The following PDGFRA variants were observed in gnomAD, a reference collection of about 807,000 sequenced individuals.
The protein encoded by PDGFRA is platelet-derived growth factor receptor alpha.
Under a neutral mutation model 121.5 loss-of-function variants are expected in PDGFRA, and 25 were observed. The observed-to-expected ratio is 0.21, with a 90% CI of 0.15 to 0.29. The LOEUF is 0.29. Ranked by LOEUF, PDGFRA falls within the 10% of genes least tolerant of loss-of-function variation. The pLI is 1.00. For synonymous variants in PDGFRA, 463 were observed against 494.8 expected (o/e 0.94, Z 0.85); for missense variants, 1,008 against 1,345.1 (o/e 0.75, Z 3.92).
At chr4:54,282,694 C>T (rs1307609380) in intron 16 of PDGFRA, among the ~76,000 whole-genome samples, 1 of 152,226 alleles carries the variant, frequency 6.6e-6, no homozygotes, top group Admixed American at 6.5e-5. Context: ...CCACAATAGT[C>T]CCCTCAAGCC....
At chr4:54,276,687 T>TCATAAAA (rs1723745601) in intron 12 of PDGFRA, 1 of 152,752 alleles carries the variant, frequency 6.5e-6, no homozygotes, top group Admixed American at 6.5e-5. Flanking sequence ...GAGGCAGTGT[T>TCATAAAA]GGCTGTTAGT....
At chr4:54,230,804 TCTC>T (rs949116247) in intron 1 of PDGFRA, among the ~76,000 whole-genome samples, 6 of 152,230 alleles carry the variant, frequency 3.9e-5, no homozygotes, top group African/African-American at 7.2e-5. Context: ...TGTGCGTACT[TCTC>T]CTTCCTCTGC....
chr4:54,271,782 TCCTCCCTCCCTCACTCTCTC>T (rs1197266567), intron 8 of PDGFRA, among the ~76,000 whole-genome samples: 9 of 142,366 alleles, frequency 6.3e-5, no homozygotes, highest in Non-Finnish European at 1.2e-4. Context: ...CTTCCTTCCT[TCCTCCCTCCCTCACTCTCTC>T]TTTTCTTTGC....
chr4:54,294,737 G>A (rs1041912680), intron 22 of PDGFRA, among the ~76,000 whole-genome samples: 4 of 152,284 alleles, frequency 2.6e-5, no homozygotes, highest in Non-Finnish European at 4.4e-5. Context: ...GGAGGCTTCC[G>A]GGAGAGCACC....
chr4:54,280,029 T>C (rs1276897023), intron 15 of PDGFRA, among the ~76,000 whole-genome samples: 2 of 152,226 alleles, frequency 1.3e-5, no homozygotes, highest in Non-Finnish European at 2.9e-5. Flanking sequence ...ATGTGAATTG[T>C]GCTGCTATAA....
intron 18 of PDGFRA, 31 bp from the exon 19 acceptor site, chr4:54,287,399 T>C (rs1466936818): frequency 8.2e-6 from 7 of 855,412 alleles, no homozygotes; most frequent in Non-Finnish European, 1.4e-5. Flanking sequence ...TGAGTAGACA[T>C]GGGTTTAACT....
intron 1 of PDGFRA, among the ~76,000 whole-genome samples, chr4:54,241,638 A>G (rs1399618141): frequency 6.6e-6 from 1 of 152,050 alleles, no homozygotes; most frequent in African/African-American, 2.4e-5. Flanking sequence ...CAGCCTCCGC[A>G]TCCTGGGTTC....
intron 1 of PDGFRA, among the ~76,000 whole-genome samples, chr4:54,234,989 C>T (rs187984604): frequency 1.4e-3 from 207 of 152,194 alleles, no homozygotes; most frequent in Non-Finnish European, 2.2e-3. Context: ...GATGGAGCTC[C>T]GGGAGATCAA....
At chr4:54,267,504 G>A in intron 6 of PDGFRA, 44 bp downstream of exon 6, 2 of 1,613,564 alleles carry the variant, frequency 1.2e-6, no homozygotes, top group Non-Finnish European at 1.7e-6. Context: ...TGCTGCTCGG[G>A]ATCCATATGT....
chr4:54,233,413 T>C (rs1392081576), intron 1 of PDGFRA, among the ~76,000 whole-genome samples: 5 of 152,156 alleles, frequency 3.3e-5, no homozygotes, highest in Non-Finnish European at 7.4e-5. Flanking sequence ...ACCAGGAGCC[T>C]GGGCTGCGGG....
intron 7 of PDGFRA, among the ~76,000 whole-genome samples, chr4:54,269,700 C>T (rs895308794): frequency 6.2e-5 from 9 of 144,392 alleles, no homozygotes; most frequent in Non-Finnish European, 1.0e-4. Flanking sequence ...TGGAGTGCAG[C>T]GGTACGATCA....
At chr4:54,270,508 A>C (rs1162194126) in intron 7 of PDGFRA, 125 bp from the exon 8 acceptor site, 5 of 668,972 alleles carry the variant, frequency 7.5e-6, no homozygotes, top group Non-Finnish European at 1.4e-5. Flanking sequence ...GATGATATGG[A>C]CAAGAAAAAA....
chr4:54,261,366 A>G lies in PDGFRA; in HGVS notation c.321A>G (p.Thr107=), dbSNP rs754548894. Reference sequence around the variant, plus strand: ...CTTGCTATTACAACCACACTCAGACAGAAGAGAATGAGCTTGAAGGCAGGC... The same window carrying G: ...CTTGCTATTACAACCACACTCAGACGGAAGAGAATGAGCTTGAAGGCAGGC... ...LYTCYYNHTQ[T]EENELEGRHI... is the part of the protein sequence containing the mutation. The change falls in exon 3 of 23, where the codon ACA becomes ACG. Residue 107 remains threonine (T), a synonymous_variant. Coordinates refer to ENST00000257290, the MANE Select transcript of PDGFRA (RefSeq NM_006206.6). 6.2e-7 allele frequency: 1 copy of G among 1,614,056 alleles called. No homozygotes were observed. Among genetic ancestry groups the G allele is most frequent in the African/African-American group, 1.3e-5 (1 of 74,936 alleles).
chr4:54,282,063 G>A lies in PDGFRA; in HGVS notation c.2323+1581G>A, dbSNP rs574460404. 3.5e-5 allele frequency: 24 copies of A among 689,260 alleles called. No homozygotes were observed. The East Asian group carries it at 1.4e-3, about 40-fold the overall frequency. 42.7% of individuals were successfully genotyped at this position (689,260 alleles called of 1,614,324 possible). Reference sequence around the variant, plus strand: ...TGTTTATGTGTATGTGTGTTTTAAAGGTAGCTGAGATGATTTGCTAATTAT... The same window carrying A: ...TGTTTATGTGTATGTGTGTTTTAAAAGTAGCTGAGATGATTTGCTAATTAT... On this transcript the variant is annotated intron_variant, in intron 16 of 22. Coordinates refer to ENST00000257290, the MANE Select transcript of PDGFRA (RefSeq NM_006206.6).
At chr4:54,291,986 C>A (rs1200734663) in intron 22 of PDGFRA, among the ~76,000 whole-genome samples, 1 of 152,120 alleles carries the variant, frequency 6.6e-6, no homozygotes, top group East Asian at 1.9e-4. Flanking sequence ...TCCCACCAGT[C>A]AGAATGGCTA....
intron 16 of PDGFRA, among the ~76,000 whole-genome samples, chr4:54,283,751 T>C (rs973814485): frequency 3.9e-5 from 6 of 152,204 alleles, no homozygotes; most frequent in African/African-American, 1.2e-4. Flanking sequence ...CAACCTTTTA[T>C]GCTCTGCTTC....
chr4:54,239,150 G>A (rs1721163966), intron 1 of PDGFRA, among the ~76,000 whole-genome samples: 1 of 152,130 alleles, frequency 6.6e-6, no homozygotes, highest in East Asian at 1.9e-4. Flanking sequence ...CAGTGCCATG[G>A]CAGTTTACAA....
At chr4:54,285,246 G>A (rs1724279401) in intron 16 of PDGFRA, 125 bp from the exon 17 acceptor site, 1 of 690,786 alleles carries the variant, frequency 1.4e-6, no homozygotes, top group African/African-American at 1.8e-5. Context: ...ATTCATCTGT[G>A]AGATCTAAAC....
At chr4:54,235,001 A>G (rs1000438653) in intron 1 of PDGFRA, among the ~76,000 whole-genome samples, 34 of 152,190 alleles carry the variant, frequency 2.2e-4, no homozygotes, top group African/African-American at 6.8e-4. Context: ...GGAGATCAAA[A>G]CAACAAAACA....
Sources: allele counts gnomAD v4.1 joint callset (sites outside exome capture counted in the v4.1 genomes callset), GRCh38; gene constraint gnomAD v4.1.1; transcripts MANE v1.5; gene names NCBI Gene and HGNC (gene_info 2026-07-23, HGNC 2026-07-21).